GPHN: variants seen among roughly 807,000 people sequenced by gnomAD.
The protein encoded by GPHN is gephyrin.
In GPHN, 17 loss-of-function variants were observed where a neutral mutation model predicts 95.5. The observed-to-expected ratio is 0.18, with a 90% CI of 0.12 to 0.27. The LOEUF is 0.27. GPHN is among the 10% of genes least tolerant of loss of function. The pLI, the probability that GPHN is intolerant of heterozygous loss-of-function variation, is 1.00. For missense variants in GPHN, 660 were observed against 978.1 expected, an observed-to-expected ratio of 0.67 and a Z score of 4.34; for synonymous variants, 320 against 322.5, an observed-to-expected ratio of 0.99 and a Z score of 0.08.
chr14:67,473,982 G>T, the GPHN span: 2 of 1,519,084 alleles, frequency 1.3e-6, no homozygotes, highest in East Asian at 4.7e-5. This position sits in a 1 kb window ranked among gnomAD's most constrained non-coding sequence, Gnocchi z 6.5. Flanking sequence ...GCCGGGCGCG[G>T]TGGCTCACGC....
intron 21 of GPHN, among the ~76,000 whole-genome samples, chr14:67,175,663 T>C (rs1305503530): frequency 2.0e-5 from 3 of 152,188 alleles, no homozygotes; most frequent in Non-Finnish European, 4.4e-5. Context: ...ATAAATTACT[T>C]TGGGCAGTAT....
At chr14:67,310,366 T>C in the GPHN span, among the ~76,000 whole-genome samples, 1 of 152,240 alleles carries the variant, frequency 6.6e-6, no homozygotes, top group Admixed American at 6.5e-5. Flanking sequence ...CAAGATTATA[T>C]ACTATGCTAT....
Position 67,174,272 on chromosome 14 carries a change from T to A in GPHN, c.2079+5236T>A, listed in dbSNP as rs1259343942. Among the ~76,000 whole-genome samples, 5 of 74,198 alleles carry A rather than the reference T, an allele frequency of 6.7e-5. No homozygotes were observed. In the South Asian group the frequency reaches 1.5e-3, roughly 22 times the overall value. The allele number at this position is 74,198 out of a possible 152,430, so 48.7% of individuals were successfully genotyped here. On this transcript the variant is annotated intron_variant, in intron 21 of 22. Transcript: ENST00000478722. ...CAGGCCCCAGTGTGTGATGTTCCCC[T>A]CCCTGTGTCCGTGTGTTCTCATTGT...
chr14:66,997,639 G>GA (rs2071910004), intron 9 of GPHN, among the ~76,000 whole-genome samples: 1 of 152,116 alleles, frequency 6.6e-6, no homozygotes, highest in Admixed American at 6.6e-5. Flanking sequence ...CAAATTTTAA[G>GA]AAAAAACCAA....
At chr14:67,584,280 C>T in the GPHN span, among the ~76,000 whole-genome samples, 2 of 152,190 alleles carry the variant, frequency 1.3e-5, no homozygotes, top group African/African-American at 4.8e-5. Context: ...TTTCCACAGT[C>T]CAGAGCAGAA....
the GPHN span, among the ~76,000 whole-genome samples, chr14:67,683,015 A>G: frequency 4.7e-4 from 71 of 152,360 alleles, no homozygotes; most frequent in African/African-American, 1.7e-3. Context: ...TTTATATGAA[A>G]TGTCCAGTAA....
intron 1 of GPHN, among the ~76,000 whole-genome samples, chr14:66,620,068 T>G (rs190549966): frequency 4.6e-4 from 70 of 152,252 alleles, no homozygotes; most frequent in African/African-American, 1.6e-3. Context: ...TACCTGTTAA[T>G]GAATGTTTAG....
At chr14:66,940,989 C>T (rs1329694114) in intron 8 of GPHN, among the ~76,000 whole-genome samples, 1 of 152,124 alleles carries the variant, frequency 6.6e-6, no homozygotes, top group Non-Finnish European at 1.5e-5. Flanking sequence ...GTCTTACTTT[C>T]CCAAAAAGGA....
intron 2 of GPHN, among the ~76,000 whole-genome samples, chr14:66,731,130 C>G (rs2071729955): frequency 6.6e-6 from 1 of 152,174 alleles, no homozygotes. Context: ...GCCACATGGA[C>G]ATGTGAGTCA....
At chr14:66,555,613 G>A (rs1259875352) in intron 1 of GPHN, among the ~76,000 whole-genome samples, 1 of 151,726 alleles carries the variant, frequency 6.6e-6, no homozygotes, top group Non-Finnish European at 1.5e-5. Context: ...AAAGTTCAGC[G>A]ATAAGACAAA....
chr14:67,349,012 G>A, the GPHN span: 1 of 1,604,768 alleles, frequency 6.2e-7, no homozygotes, highest in African/African-American at 1.3e-5. Context: ...CTCCCCAAAG[G>A]GTTTCTAAAA....
chr14:66,621,747 A>G (rs2063314257), intron 1 of GPHN, among the ~76,000 whole-genome samples: 1 of 152,136 alleles, frequency 6.6e-6, no homozygotes, highest in South Asian at 2.1e-4. Flanking sequence ...AAGCTCCAAA[A>G]TGATCTCCTT....
At chr14:66,871,155 A>G (rs2063419495) in intron 4 of GPHN, among the ~76,000 whole-genome samples, 1 of 152,238 alleles carries the variant, frequency 6.6e-6, no homozygotes, top group Non-Finnish European at 1.5e-5. Flanking sequence ...TCTACTCACT[A>G]CTGTAACATC....
At chr14:67,725,878 G>A in the GPHN span, among the ~76,000 whole-genome samples, 1 of 152,234 alleles carries the variant, frequency 6.6e-6, no homozygotes, top group Non-Finnish European at 1.5e-5. Flanking sequence ...GTTATTGAGT[G>A]CTGAGGCAAT....
chr14:66,650,351 A>G (rs1350607508), intron 1 of GPHN, among the ~76,000 whole-genome samples: 1 of 152,182 alleles, frequency 6.6e-6, no homozygotes, highest in African/African-American at 2.4e-5. Context: ...AAAGGCCACT[A>G]TTTCATCAAA....
In GPHN at chr14:66,822,230, G is replaced by A. The variant is rs747681277; in HGVS notation, c.202-2244G>A. 3.7e-4 allele frequency among the ~76,000 whole-genome samples: 56 copies of A among 152,154 alleles called. 1 individual carries two copies. The highest frequency in any genetic ancestry group is 6.8e-4 in the Non-Finnish European group (46 of 68,012). ...CTCCCAAAGTGCTGGGATTACAGGC[G>A]TGAGCCACTGCGTCCAGCCAACTGA... On this transcript the variant is annotated intron_variant, in intron 3 of 22. Coordinates refer to ENST00000478722, the MANE Select transcript of GPHN (RefSeq NM_020806.5).
At chr14:66,893,988 T>C (rs2064676568) in intron 5 of GPHN, among the ~76,000 whole-genome samples, 2 of 152,132 alleles carry the variant, frequency 1.3e-5, no homozygotes, top group African/African-American at 4.8e-5. Flanking sequence ...ACCAATGACT[T>C]TCTTCACAGA....
chr14:67,505,070 TC>T, the GPHN span, among the ~76,000 whole-genome samples: 3 of 152,168 alleles, frequency 2.0e-5, no homozygotes, highest in Admixed American at 6.5e-5. Context: ...AGTAGCTGCA[TC>T]ACTTTCCAGA....
chr14:67,115,625 C>T (rs888416866), intron 16 of GPHN, among the ~76,000 whole-genome samples: 2 of 151,952 alleles, frequency 1.3e-5, no homozygotes, highest in African/African-American at 4.8e-5. Flanking sequence ...GTCACAACTA[C>T]TTGGGAGGCT....
Sources: gnomAD v4.1 joint callset for allele counts (sites outside exome capture counted in the v4.1 genomes callset) on GRCh38, gnomAD v4.1.1 for gene constraint, Gnocchi (gnomAD v3.1) non-coding constraint, MANE v1.5 for transcripts, NCBI Gene and HGNC (gene_info 2026-07-23, HGNC 2026-07-21) for gene names.